The following TENM2 variants were observed in gnomAD, a reference collection of about 807,000 sequenced individuals.
TENM2 encodes the protein teneurin transmembrane protein 2.
A neutral mutation model predicts 245.2 loss-of-function variants in TENM2; 52 were observed. The ratio of observed to expected loss-of-function variants is 0.21; its 90% CI spans 0.17 to 0.27. TENM2 has a LOEUF of 0.27. Ranked by LOEUF, TENM2 falls within the 10% of genes least tolerant of loss-of-function variation. The pLI, the probability that TENM2 is intolerant of heterozygous loss-of-function variation, is 1.00. For missense variants in TENM2, 3,046 were observed against 3,666.8 expected (o/e 0.83, Z 4.37); for synonymous variants, 1,363 against 1,438.9 (o/e 0.95, Z 1.19).
At chr5:166,994,565 C>G in the TENM2 span, among the ~76,000 whole-genome samples, 1 of 152,158 alleles carries the variant, frequency 6.6e-6, no homozygotes, top group African/African-American at 2.4e-5. Context: ...GATGGAGTCC[C>G]AGGAGTGTCC....
rs749516089 is a variant in TENM2 at position 168,247,496 on chromosome 5, T to C, written c.6557T>C (p.Ile2186Thr). Reference sequence around the variant, plus strand: ...CAATATGACAGCATGGGCAGGGTGATCAAGAGGGAGCTAAAACTGGGGCCC... The same window carrying C: ...CAATATGACAGCATGGGCAGGGTGACCAAGAGGGAGCTAAAACTGGGGCCC... Residue 2186 changes from isoleucine to threonine, a missense_variant, in exon 27 of 29, where the codon ATC (isoleucine) becomes ACC (threonine). Physicochemically the swap from Ile to Thr is moderately conservative, Grantham distance 89. Transcript: ENST00000518659. The surrounding 1 kb of genome is among the most constrained non-coding windows in gnomAD (Gnocchi z 7.8). 6.2e-7 allele frequency: 1 copy of C among 1,612,552 alleles called. No individual in the cohort carries two copies. Among genetic ancestry groups the C allele is most frequent in the Non-Finnish European group, 8.5e-7 (1 of 1,178,910 alleles).
chr5:167,182,319 T>G, the TENM2 span, among the ~76,000 whole-genome samples: 1 of 152,116 alleles, frequency 6.6e-6, no homozygotes, highest in East Asian at 1.9e-4. Context: ...CTACAGTACT[T>G]CAGTGTATCC....
intron 13 of TENM2, among the ~76,000 whole-genome samples, chr5:168,177,124 G>A (rs1210206361): frequency 6.6e-6 from 1 of 152,208 alleles, no homozygotes; most frequent in African/African-American, 2.4e-5. Context: ...ACTACAGCTT[G>A]CTGGAGAAGC....
At chr5:167,144,308 C>T in the TENM2 span, among the ~76,000 whole-genome samples, 2 of 152,114 alleles carry the variant, frequency 1.3e-5, no homozygotes, top group Non-Finnish European at 2.9e-5. Flanking sequence ...AAGCTCTGTG[C>T]CACAGGTGGC....
At chr5:168,147,730 A>G (rs1562215989) in intron 12 of TENM2, among the ~76,000 whole-genome samples, 1 of 152,190 alleles carries the variant, frequency 6.6e-6, no homozygotes, top group Non-Finnish European at 1.5e-5. Context: ...AAGTCCTTGC[A>G]TGTGCCATTA....
chr5:167,846,474 A>C (rs73370922), intron 2 of TENM2, among the ~76,000 whole-genome samples: 12,776 of 152,252 alleles, frequency 0.084, 1,790 homozygotes, highest in African/African-American at 0.29. Flanking sequence ...CATCAGCAGC[A>C]TGCGGATTGC....
chr5:168,031,874 A>C (rs1280765756), intron 5 of TENM2, among the ~76,000 whole-genome samples: 1 of 152,156 alleles, frequency 6.6e-6, no homozygotes, highest in Non-Finnish European at 1.5e-5. Flanking sequence ...ACAGCTACTA[A>C]AAACCAAGAC....
the TENM2 span, among the ~76,000 whole-genome samples, chr5:167,051,064 C>T: frequency 6.6e-6 from 1 of 152,082 alleles, no homozygotes; most frequent in South Asian, 2.1e-4. Flanking sequence ...AACCAATACA[C>T]GGTTTCCACA....
intron 13 of TENM2, among the ~76,000 whole-genome samples, chr5:168,171,184 G>C (rs1758790128): frequency 6.6e-6 from 1 of 152,202 alleles, no homozygotes; most frequent in Non-Finnish European, 1.5e-5. Context: ...TCAACCATTA[G>C]TGTTTCCTTT....
chr5:168,103,807 A>G (rs946265810), intron 9 of TENM2, among the ~76,000 whole-genome samples: 1 of 152,170 alleles, frequency 6.6e-6, no homozygotes, highest in African/African-American at 2.4e-5. Flanking sequence ...AGCAGTGGCT[A>G]TGACAAGTTG....
At chr5:167,252,875 A>T in the TENM2 span, among the ~76,000 whole-genome samples, 2 of 152,190 alleles carry the variant, frequency 1.3e-5, no homozygotes, top group South Asian at 4.1e-4. Flanking sequence ...TTTCCAAAAT[A>T]TCATGCATAT....
At chr5:167,519,223 C>T (rs1562022001) in intron 2 of TENM2, among the ~76,000 whole-genome samples, 1 of 152,008 alleles carries the variant, frequency 6.6e-6, no homozygotes, top group Non-Finnish European at 1.5e-5. Context: ...TCTTCTTATC[C>T]AGGTTAGAAC....
chr5:168,200,251 C>A, intron 17 of TENM2, 120 bp downstream of exon 19: 1 of 873,984 alleles, frequency 1.1e-6, no homozygotes, highest in Non-Finnish European at 1.7e-6. Flanking sequence ...GACACGATGG[C>A]CAAGAAGACA....
chr5:167,609,084 G>T (rs1582531100), intron 2 of TENM2, among the ~76,000 whole-genome samples: 1 of 152,122 alleles, frequency 6.6e-6, no homozygotes, highest in South Asian at 2.1e-4. Context: ...AGTAGGTAAA[G>T]AATAGGTTTT....
rs551264111 is a variant in TENM2 at position 167,861,386 on chromosome 5, C to G, written c.503-14600C>G. ...CAGCCTTGCGGGTGGTTTTCAGGCA[C>G]CATTTGGAGCCCCACAGGTAGTGGA... On this transcript the variant is annotated intron_variant, in intron 2 of 28. Coordinates refer to ENST00000518659, the Ensembl canonical transcript of TENM2. Among the ~76,000 whole-genome samples the G allele has an allele frequency of 2.0e-5, 3 of 152,262 alleles. No individual in the cohort carries two copies. In the East Asian group the frequency reaches 5.8e-4, roughly 29 times the overall value.
chr5:167,198,042 G>C, the TENM2 span, among the ~76,000 whole-genome samples: 277 of 152,004 alleles, frequency 1.8e-3, 1 homozygote, highest in African/African-American at 6.3e-3. Context: ...AATATTCCCA[G>C]ATAACTTAAA....
At chr5:168,016,914 A>C (rs546090338) in intron 5 of TENM2, among the ~76,000 whole-genome samples, 1 of 152,228 alleles carries the variant, frequency 6.6e-6, no homozygotes, top group Non-Finnish European at 1.5e-5. Flanking sequence ...TGCAAAGTGC[A>C]TGGTACAAAG....
chr5:168,200,166 G>C, intron 17 of TENM2, 35 bp downstream of exon 19: 1 of 1,587,288 alleles, frequency 6.3e-7, no homozygotes, highest in Admixed American at 1.7e-5. Context: ...TTGATCAATG[G>C]ATTTAGTCAT....
Position 167,876,318 on chromosome 5 carries a change from A to G in TENM2, c.712+123A>G, listed in dbSNP as rs1773422915. 4.0e-6 allele frequency: 3 copies of G among 756,060 alleles called. No homozygotes were observed. The South Asian group carries it at 5.1e-5, about 13-fold the overall frequency. The allele number at this position is 756,060 out of a possible 1,614,324, so 46.8% of individuals were successfully genotyped here. On this transcript the variant is annotated intron_variant, in intron 3 of 28. Transcript: ENST00000518659. ...GGTGGTGTGGGGAGCATCAGGGTGA[A>G]ATGCATTTGTCATTTTGTGGCATGG... is the stretch of plus-strand genomic sequence containing the variant.
Sources: allele counts gnomAD v4.1 joint callset (sites outside exome capture counted in the v4.1 genomes callset), GRCh38; gene constraint gnomAD v4.1.1; non-coding constraint Gnocchi (gnomAD v3.1); transcripts MANE v1.5; gene names NCBI Gene and HGNC (gene_info 2026-07-23, HGNC 2026-07-21).